FAM120C: variants seen among roughly 807,000 people sequenced by gnomAD.
The protein encoded by FAM120C is family with sequence similarity 120 member C.
FAM120C carries 14 observed loss-of-function variants against 71.2 expected under a neutral mutation model. That is an observed-to-expected ratio of 0.20 (90% confidence interval 0.13 to 0.31). The LOEUF (loss-of-function observed/expected upper bound fraction) is 0.31, where lower values mean the gene tolerates loss of function less well. Ranked by LOEUF, FAM120C falls within the 10% of genes least tolerant of loss-of-function variation. The pLI is 1.00. For missense variants in FAM120C, 500 were observed against 879.0 expected (o/e 0.57, Z 5.45); for synonymous variants, 354 against 353.2 (o/e 1.00, Z -0.03).
chrX:54,177,987 C>T (rs1025682906), intron 1 of FAM120C, among the ~76,000 whole-genome samples: 2 of 111,940 alleles, frequency 1.8e-5, no homozygotes, highest in Admixed American at 1.9e-4. Context: ...ATGCATGTGG[C>T]AGCTTCAGAG....
chrX:54,103,459 C>CT (rs2066891827), intron 10 of FAM120C, among the ~76,000 whole-genome samples: 1 of 111,904 alleles, frequency 8.9e-6, no homozygotes, highest in Non-Finnish European at 1.9e-5. Context: ...TGCCTTTTAT[C>CT]TTTTTTACAT....
intron 10 of FAM120C, among the ~76,000 whole-genome samples, chrX:54,115,149 C>T (rs1172187859): frequency 1.8e-5 from 2 of 112,124 alleles, no homozygotes; most frequent in African/African-American, 6.5e-5. Context: ...GTGACTGATA[C>T]ACATGCACAG....
chrX:54,135,864 T>C (rs1004024328), intron 5 of FAM120C, among the ~76,000 whole-genome samples: 1 of 111,450 alleles, frequency 9.0e-6, no homozygotes, highest in Admixed American at 9.6e-5. Flanking sequence ...GAAGTGGAAT[T>C]CCAACTCAGG....
In FAM120C at chrX:54,183,027, T is replaced by A. The variant is rs1603367154; in HGVS notation, c.172A>T (p.Arg58Trp). The A allele has an allele frequency of 8.6e-7, 1 of 1,157,367 alleles. No homozygotes were observed. Among genetic ancestry groups the A allele is most frequent in the South Asian group, 1.9e-5 (1 of 52,376 alleles). The change falls in exon 1 of 16, where the codon AGG becomes TGG. Residue 58 changes from arginine (R) to tryptophan (W), a missense_variant. Arg to Trp is a moderately radical substitution (Grantham distance 101). Coordinates refer to ENST00000375180, the MANE Select transcript of FAM120C (RefSeq NM_017848.6). ...ALAPGAPRAA[R>W]GSVPLQPPLP... ...GGCGGTTGCAGAGGCACGGAGCCCC[T>A]GGCGGCGCGTGGAGCCCCGGGCGCT...
At chrX:54,182,352 G>A (rs1218926056) in intron 1 of FAM120C, 148 bp downstream of exon 1, 2 of 641,620 alleles carry the variant, frequency 3.1e-6, no homozygotes, top group Admixed American at 3.8e-5. Flanking sequence ...ATGGTAGAGG[G>A]TAGTTAGGCA....
chrX:54,145,184 T>TAA (rs2067148518), intron 4 of FAM120C, among the ~76,000 whole-genome samples: 1 of 112,244 alleles, frequency 8.9e-6, no homozygotes. Context: ...ATTATACACT[T>TAA]AAATGTTAGA....
chrX:54,167,956 A>C (rs2067268724), intron 1 of FAM120C, among the ~76,000 whole-genome samples: 1 of 101,334 alleles, frequency 9.9e-6, no homozygotes, highest in Admixed American at 1.1e-4. Context: ...CGACAGAGTG[A>C]GACTCCGTCT....
chrX:54,088,885 C>T (rs1257098988), intron 11 of FAM120C, among the ~76,000 whole-genome samples: 1 of 110,477 alleles, frequency 9.1e-6, no homozygotes, highest in Non-Finnish European at 1.9e-5. Context: ...CCCGTTTCTA[C>T]TAAAAATACA....
At chrX:54,176,387 C>T (rs1233610252) in intron 1 of FAM120C, among the ~76,000 whole-genome samples, 1 of 99,761 alleles carries the variant, frequency 1.0e-5, no homozygotes, top group Non-Finnish European at 2.0e-5. Flanking sequence ...GAGGCAAGAT[C>T]ATGCCACTGT....
rs781874208 is a variant in FAM120C at position 54,114,443 on chromosome X, GT to G, written c.2312+2101del. 1.9e-4 allele frequency among the ~76,000 whole-genome samples: 21 copies of G among 108,745 alleles called. No individual in the cohort carries two copies. In the East Asian group the frequency reaches 5.2e-3, roughly 27 times the overall value. 94.4% of individuals were successfully genotyped at this position (108,745 alleles called of 115,157 possible). ...GTTTTTTTTTGTTTTTGTTTTTTTG[GT>G]TTTTTTTTGTTGTGTTTTGAGACAG... is the stretch of plus-strand genomic sequence containing the variant. On this transcript the variant is annotated intron_variant, in intron 10 of 15. Transcript: ENST00000375180.
intron 4 of FAM120C, among the ~76,000 whole-genome samples, chrX:54,145,512 T>C (rs1472057990): frequency 8.9e-6 from 1 of 112,183 alleles, no homozygotes; most frequent in East Asian, 2.8e-4. Flanking sequence ...GAAAAGACAC[T>C]TCTCAAAATA....
chrX:54,087,323 AAAT>A (rs1287047978), intron 12 of FAM120C, among the ~76,000 whole-genome samples: 5 of 109,173 alleles, frequency 4.6e-5, no homozygotes, highest in Admixed American at 3.0e-4. Context: ...AAAAAAAAAA[AAAT>A]CCTCTGCTTC....
intron 1 of FAM120C, among the ~76,000 whole-genome samples, chrX:54,174,812 A>G (rs2067307899): frequency 8.9e-6 from 1 of 112,181 alleles, no homozygotes; most frequent in African/African-American, 3.2e-5. Flanking sequence ...GGGCCACATA[A>G]GGCCTACGGG....
chrX:54,170,382 C>T (rs1557135782), intron 1 of FAM120C, among the ~76,000 whole-genome samples: 1 of 111,376 alleles, frequency 9.0e-6, no homozygotes, highest in African/African-American at 3.3e-5. Context: ...ATCCATCCGC[C>T]TTGGCCTCCC....
At chrX:54,105,958 AAT>A (rs1206525343) in intron 10 of FAM120C, among the ~76,000 whole-genome samples, 2 of 112,136 alleles carry the variant, frequency 1.8e-5, no homozygotes, top group African/African-American at 6.5e-5. Flanking sequence ...AGGAAGAATC[AAT>A]GTCGTGAAAA....
chrX:54,179,752 A>G (rs1448888296), intron 1 of FAM120C, among the ~76,000 whole-genome samples: 3 of 111,759 alleles, frequency 2.7e-5, no homozygotes, highest in African/African-American at 9.8e-5. Context: ...TTCACTATGG[A>G]AAAAAACAAT....
rs782508397 is a variant in FAM120C, at chrX:54,171,000, CAAT to C, written c.700-11387_700-11385del. On this transcript the variant is annotated intron_variant, in intron 1 of 15. Transcript: ENST00000375180. ...AGGAGGACGGGAACTGCAGAGAAGA[CAAT>C]GATCACAAGAAATTTCTAAGTCTTT... 5.4e-5 allele frequency among the ~76,000 whole-genome samples: 6 copies of C among 110,915 alleles called. No homozygotes were observed. In the East Asian group the frequency reaches 1.7e-3, roughly 31 times the overall value.
At chrX:54,098,578 C>T (rs1347878636) in intron 10 of FAM120C, among the ~76,000 whole-genome samples, 1 of 111,463 alleles carries the variant, frequency 9.0e-6, no homozygotes, top group African/African-American at 3.3e-5. Flanking sequence ...CCCTGATGAT[C>T]ATTTTTTCAT....
In FAM120C at chrX:54,132,835, T is replaced by C; in HGVS notation, c.1919A>G (p.Glu640Gly). 1 of 1,198,985 alleles carries C rather than the reference T, an allele frequency of 8.3e-7. No homozygotes were observed. The highest frequency in any genetic ancestry group is 1.7e-5 in the African/African-American group (1 of 57,354). ...AGGCAGCTCCATGTTACACTCATCC[T>C]CAATACATACGGGGATCTTAATTTC... ...KGEIKIPVCI[E>G]DECNMELPPA... Residue 640 changes from glutamate to glycine, a missense_variant, in exon 9 of 16, where the codon GAG (glutamate) becomes GGG (glycine). Glu to Gly is a moderately conservative substitution (Grantham distance 98). This residue lies in a region of FAM120C where 104 missense variants were observed against 254.5 expected (regional missense o/e 0.41). Coordinates refer to ENST00000375180, the MANE Select transcript of FAM120C (RefSeq NM_017848.6).
Sources: allele counts gnomAD v4.1 joint callset (sites outside exome capture counted in the v4.1 genomes callset), GRCh38; gene constraint gnomAD v4.1.1; regional missense constraint gnomAD v4.1.1; transcripts MANE v1.5; gene names NCBI Gene and HGNC (gene_info 2026-07-23, HGNC 2026-07-21).